FRMD5: variants seen among roughly 807,000 people sequenced by gnomAD.
The protein encoded by FRMD5 is FERM domain containing 5, also known as FERM domain-containing protein 5.
Under a neutral mutation model 69.0 loss-of-function variants are expected in FRMD5, and 20 were observed. The observed-to-expected ratio is 0.29, with a 90% CI of 0.20 to 0.42. The LOEUF (loss-of-function observed/expected upper bound fraction) is 0.42. FRMD5 is among the 10% of genes least tolerant of loss of function. The pLI, the probability that FRMD5 is intolerant of heterozygous loss-of-function variation, is 1.00. For missense variants in FRMD5, 595 were observed against 708.6 expected (o/e 0.84, Z 1.82); for synonymous variants, 271 against 260.1 (o/e 1.04, Z -0.40).
chr15:44,065,913 T>C (rs1457159793), intron 1 of FRMD5, among the ~76,000 whole-genome samples: 1 of 152,240 alleles, frequency 6.6e-6, no homozygotes, highest in Non-Finnish European at 1.5e-5. Flanking sequence ...GTTTGTCAGA[T>C]AAGGTGACTT....
intron 13 of FRMD5, among the ~76,000 whole-genome samples, chr15:43,883,376 G>C (rs2088583279): frequency 6.6e-6 from 1 of 152,178 alleles, no homozygotes; most frequent in African/African-American, 2.4e-5. Flanking sequence ...GAGATTACAG[G>C]TGTGAGCCAC....
intron 1 of FRMD5, among the ~76,000 whole-genome samples, chr15:44,005,471 C>CAAAAAAAAAA (rs55839205): frequency 1.4e-5 from 1 of 69,454 alleles, no homozygotes; most frequent in Non-Finnish European, 2.8e-5. Context: ...AACTCCATCT[C>CAAAAAAAAAA]AAAAAAAAAA....
intron 7 of FRMD5, among the ~76,000 whole-genome samples, chr15:43,892,964 C>T (rs1015010999): frequency 2.6e-5 from 4 of 151,870 alleles, no homozygotes; most frequent in Non-Finnish European, 5.9e-5. Context: ...ATTAGCCAGG[C>T]GTGGTGATGC....
At chr15:43,955,545 T>C (rs1006665608) in intron 1 of FRMD5, among the ~76,000 whole-genome samples, 1 of 152,238 alleles carries the variant, frequency 6.6e-6, no homozygotes, top group Non-Finnish European at 1.5e-5. Context: ...TATGCATGTA[T>C]GGCATTATGG....
chr15:44,017,920 T>G (rs1209046509), intron 1 of FRMD5, among the ~76,000 whole-genome samples: 1 of 152,124 alleles, frequency 6.6e-6, no homozygotes, highest in Non-Finnish European at 1.5e-5. Flanking sequence ...AACATGGCTT[T>G]CAAACCCTGC....
At chr15:43,876,805 A>G (rs1157168580) in intron 13 of FRMD5, among the ~76,000 whole-genome samples, 3 of 152,302 alleles carry the variant, frequency 2.0e-5, no homozygotes, top group African/African-American at 7.2e-5. Context: ...AGCTGGGTCT[A>G]GAATAGGCTG....
chr15:44,034,221 C>G (rs143183972), intron 1 of FRMD5, among the ~76,000 whole-genome samples: 1 of 152,288 alleles, frequency 6.6e-6, no homozygotes, highest in East Asian at 1.9e-4. Flanking sequence ...TGAATGTTGT[C>G]TACTTGAAAA....
At chr15:43,979,303 C>G (rs2090512540) in intron 1 of FRMD5, among the ~76,000 whole-genome samples, 1 of 151,660 alleles carries the variant, frequency 6.6e-6, no homozygotes, top group African/African-American at 2.4e-5. Context: ...CCATTGCACT[C>G]CAGCCTGGGC....
intron 7 of FRMD5, among the ~76,000 whole-genome samples, chr15:43,898,643 G>C (rs927784696): frequency 1.3e-5 from 2 of 152,232 alleles, no homozygotes; most frequent in African/African-American, 2.4e-5. Context: ...TACCTGGATG[G>C]AGCAAGATGG....
intron 1 of FRMD5, among the ~76,000 whole-genome samples, chr15:44,180,900 T>A (rs1433287242): frequency 6.6e-6 from 1 of 152,230 alleles, no homozygotes; most frequent in Non-Finnish European, 1.5e-5. Flanking sequence ...TTTTGACATA[T>A]GATACTTGAG....
intron 1 of FRMD5, among the ~76,000 whole-genome samples, chr15:44,123,150 G>T (rs1199827679): frequency 1.2e-4 from 18 of 151,932 alleles, no homozygotes; most frequent in Non-Finnish European, 4.4e-5. Context: ...TTTGAGACCA[G>T]CCTGGCCAAC....
chr15:43,993,564 T>C (rs754774200), intron 1 of FRMD5, among the ~76,000 whole-genome samples: 1 of 152,250 alleles, frequency 6.6e-6, no homozygotes, highest in Non-Finnish European at 1.5e-5. Context: ...TGCTGCTGGA[T>C]GCAATGTTCT....
intron 1 of FRMD5, among the ~76,000 whole-genome samples, chr15:44,133,487 A>G (rs2140425929): frequency 6.6e-6 from 1 of 150,522 alleles, no homozygotes; most frequent in South Asian, 2.1e-4. Context: ...GAGGCAGGAG[A>G]ATGGCATGAA....
rs1231580443 is a variant in FRMD5, at chr15:44,182,331, T to C, written c.102+12622A>G. 3.9e-4 allele frequency among the ~76,000 whole-genome samples: 55 copies of C among 142,670 alleles called. 1 individual carries two copies. Among genetic ancestry groups the C allele is most frequent in the Admixed American group, 6.3e-4 (9 of 14,332 alleles). 93.6% of individuals were successfully genotyped at this position (142,670 alleles called of 152,430 possible). On this transcript the variant is annotated intron_variant, in intron 1 of 13. Transcript: ENST00000417257. ...TGGCCCTACATTGCTTTTCTTTTTTTTTTTTTTTTTTTTTCTGAGACGGAG... is the reference window on the plus strand; with the variant it reads ...TGGCCCTACATTGCTTTTCTTTTTTCTTTTTTTTTTTTTTCTGAGACGGAG...
At chr15:44,089,467 T>C (rs1415151800) in intron 1 of FRMD5, among the ~76,000 whole-genome samples, 1 of 151,670 alleles carries the variant, frequency 6.6e-6, no homozygotes, top group Non-Finnish European at 1.5e-5. Flanking sequence ...ACTTTGGGAG[T>C]CCACATGGGA....
Position 43,884,806 on chromosome 15 carries a change from T to C in FRMD5, c.960-11A>G. On this transcript the variant is annotated splice_polypyrimidine_tract_variant and intron_variant, in intron 11 of 13. Transcript: ENST00000417257. ...TTTGCAACTCGGCCACTGTAAGTAG[T>C]GTAATAAAAACAAGCAGCAAGAAAT... The C allele has an allele frequency of 2.5e-6, 4 of 1,612,946 alleles. No homozygotes were observed. Among genetic ancestry groups the C allele is most frequent in the Non-Finnish European group, 3.4e-6 (4 of 1,179,008 alleles).
At chr15:44,198,435 A>T (rs1263803642), upstream of FRMD5, among the ~76,000 whole-genome samples, 1 of 152,164 alleles carries the variant, frequency 6.6e-6, no homozygotes, top group Non-Finnish European at 1.5e-5. Context: ...ATCCAGAGAG[A>T]ACTTCAAACT....
chr15:44,175,316 C>G (rs975061744), intron 1 of FRMD5, among the ~76,000 whole-genome samples: 4 of 152,150 alleles, frequency 2.6e-5, no homozygotes, highest in Non-Finnish European at 5.9e-5. Context: ...GAAATGAACT[C>G]TTTCAAGTCT....
At chr15:43,986,005 T>G (rs1889377631) in intron 1 of FRMD5, among the ~76,000 whole-genome samples, 1 of 152,214 alleles carries the variant, frequency 6.6e-6, no homozygotes, top group South Asian at 2.1e-4. Context: ...CTTTGCATGG[T>G]TCTTAGATGA....
Sources: allele counts gnomAD v4.1 joint callset (sites outside exome capture counted in the v4.1 genomes callset), GRCh38; gene constraint gnomAD v4.1.1; transcripts MANE v1.5; gene names NCBI Gene and HGNC (gene_info 2026-07-23, HGNC 2026-07-21).